Variants in SV2C observed in about 807,000 individuals in gnomAD.
SV2C encodes the protein solute carrier family 22 member B3.
SV2C carries 49 observed loss-of-function variants against 79.7 expected under a neutral mutation model. The ratio of observed to expected loss-of-function variants is 0.61; its 90% confidence interval spans 0.49 to 0.78. SV2C has a LOEUF of 0.78. Among genes scored for constraint, SV2C ranks in the 30% least tolerant of loss-of-function variants. The probability of loss-of-function intolerance (pLI) is 0.00; values close to 1 mark genes in which losing one functional copy is unlikely to be tolerated. For missense variants in SV2C, 833 were observed against 912.9 expected, an observed-to-expected ratio of 0.91 and a Z score of 1.13; for synonymous variants, 334 against 333.2, an observed-to-expected ratio of 1.00 and a Z score of -0.03.
chr5:76,297,177 G>A (rs1747801368), intron 9 of SV2C, among the ~76,000 whole-genome samples: 2 of 152,238 alleles, frequency 1.3e-5, no homozygotes, highest in East Asian at 1.9e-4. Context: ...TTTAAAAGAT[G>A]ATAGAAACAA....
chr5:75,879,288 C>A, the SV2C span, among the ~76,000 whole-genome samples: 2 of 152,182 alleles, frequency 1.3e-5, no homozygotes, highest in Non-Finnish European at 2.9e-5. Context: ...CCTAAAGTCT[C>A]AACTCATTCC....
chr5:76,308,475 T>C lies in SV2C; in HGVS notation c.2000+6930T>C, dbSNP rs577644777. Among the ~76,000 whole-genome samples, 29 of 152,348 alleles carry C rather than the reference T, an allele frequency of 1.9e-4. No homozygotes were observed. The South Asian group carries it at 5.2e-3, about 27-fold the overall frequency. On this transcript the variant is annotated intron_variant, in intron 12 of 12. Coordinates refer to ENST00000502798, the MANE Select transcript of SV2C (RefSeq NM_014979.4). Reference sequence around the variant, plus strand: ...GGAAGTCTAGGCTACCACCAGACCTTTGCTGATGTAGCTGGCAGTTGAGCT... The same window carrying C: ...GGAAGTCTAGGCTACCACCAGACCTCTGCTGATGTAGCTGGCAGTTGAGCT...
At chr5:75,864,576 G>A in the SV2C span, among the ~76,000 whole-genome samples, 1 of 152,208 alleles carries the variant, frequency 6.6e-6, no homozygotes, top group Admixed American at 6.5e-5. Context: ...AGATGTCCCT[G>A]CAGAATCTGG....
the SV2C span, among the ~76,000 whole-genome samples, chr5:75,888,610 A>G: frequency 6.6e-6 from 1 of 152,088 alleles, no homozygotes; most frequent in Non-Finnish European, 1.5e-5. Flanking sequence ...ACAGCTTTTA[A>G]TAAATATCAC....
intron 1 of SV2C, among the ~76,000 whole-genome samples, chr5:76,127,274 A>G (rs984595730): frequency 6.6e-6 from 1 of 152,150 alleles, no homozygotes; most frequent in Non-Finnish European, 1.5e-5. Context: ...AAAGTTTTAA[A>G]ATAGTATGTA....
At chr5:75,920,680 C>T in the SV2C span, 10 of 715,384 alleles carry the variant, frequency 1.4e-5, no homozygotes, top group African/African-American at 1.0e-4. Context: ...TCCTGCAGCT[C>T]CTTCATTCTG....
the SV2C span, among the ~76,000 whole-genome samples, chr5:75,878,684 G>T: frequency 6.6e-6 from 1 of 152,006 alleles, no homozygotes; most frequent in Non-Finnish European, 1.5e-5. Flanking sequence ...GATAATCATT[G>T]AGGAGCTATT....
intron 2 of SV2C, among the ~76,000 whole-genome samples, chr5:76,139,797 T>G (rs2112204898): frequency 6.6e-6 from 1 of 152,204 alleles, no homozygotes; most frequent in South Asian, 2.1e-4. Context: ...AAGACAATAC[T>G]TTTACATATA....
chr5:76,348,093 C>T, intron 12 of SV2C, among the ~76,000 whole-genome samples: 1 of 152,164 alleles, frequency 6.6e-6, no homozygotes, highest in East Asian at 1.9e-4. Flanking sequence ...TTTCAGCACC[C>T]CGTACCCCTG....
chr5:75,870,650 C>T, the SV2C span, among the ~76,000 whole-genome samples: 1 of 151,996 alleles, frequency 6.6e-6, no homozygotes, highest in South Asian at 2.1e-4. Flanking sequence ...TATCAATATC[C>T]AAGTACAAGA....
chr5:75,905,595 A>T, the SV2C span, among the ~76,000 whole-genome samples: 1 of 152,102 alleles, frequency 6.6e-6, no homozygotes, highest in African/African-American at 2.4e-5. Flanking sequence ...AGTACAGAAG[A>T]GAGGGATAGT....
At chr5:76,322,402 G>A (rs1197412810) in intron 12 of SV2C, among the ~76,000 whole-genome samples, 1 of 152,126 alleles carries the variant, frequency 6.6e-6, no homozygotes, top group African/African-American at 2.4e-5. Flanking sequence ...TAAACAAATG[G>A]AAAAACATTC....
the SV2C span, among the ~76,000 whole-genome samples, chr5:76,013,980 T>C: frequency 6.6e-6 from 1 of 152,092 alleles, no homozygotes; most frequent in Admixed American, 6.6e-5. Flanking sequence ...ATTTTAGTTA[T>C]AGAGGCTTAG....
chr5:76,095,094 G>T (rs1747509730), intron 1 of SV2C, among the ~76,000 whole-genome samples: 1 of 150,916 alleles, frequency 6.6e-6, no homozygotes, highest in South Asian at 2.1e-4. Context: ...TTTATAATTG[G>T]GTCTATACTC....
chr5:76,208,985 G>A (rs1227691423), intron 3 of SV2C, among the ~76,000 whole-genome samples: 4 of 152,106 alleles, frequency 2.6e-5, no homozygotes, highest in African/African-American at 9.7e-5. Context: ...CCCTTACCCT[G>A]GGTAGAGGTC....
chr5:75,900,039 T>C, the SV2C span, among the ~76,000 whole-genome samples: 7 of 152,356 alleles, frequency 4.6e-5, no homozygotes, highest in East Asian at 1.2e-3. Context: ...GTCTGTCTTT[T>C]AATTGGAGCA....
chr5:76,160,993 G>A (rs1742883734), intron 2 of SV2C, among the ~76,000 whole-genome samples: 1 of 152,174 alleles, frequency 6.6e-6, no homozygotes, highest in South Asian at 2.1e-4. Flanking sequence ...TAATCACAGA[G>A]TTATTATATG....
At chr5:76,119,442 TC>T (rs1306585181) in intron 1 of SV2C, among the ~76,000 whole-genome samples, 1 of 152,084 alleles carries the variant, frequency 6.6e-6, no homozygotes, top group East Asian at 1.9e-4. Context: ...CACTGCACAT[TC>T]CAAGTTATGA....
chr5:76,170,885 C>CCGGGACAGT (rs1743207057), intron 2 of SV2C: 1 of 375,710 alleles, frequency 2.7e-6, no homozygotes, highest in East Asian at 9.6e-5. Context: ...CAGTGCGGAG[C>CCGGGACAGT]CGGGACAGTC....
Sources: gnomAD v4.1 joint callset for allele counts (sites outside exome capture counted in the v4.1 genomes callset) on GRCh38, gnomAD v4.1.1 for gene constraint, MANE v1.5 for transcripts, NCBI Gene and HGNC (gene_info 2026-07-23, HGNC 2026-07-21) for gene names.